XDH: variants seen among roughly 807,000 people sequenced by gnomAD.
The protein encoded by XDH is xanthine dehydrogenase/oxidase.
A neutral mutation model predicts 156.1 loss-of-function variants in XDH; 138 were observed. The observed-to-expected ratio is 0.88, with a 90% CI of 0.77 to 1.02. The LOEUF (loss-of-function observed/expected upper bound fraction) is 1.02. Ranked by LOEUF, XDH falls within the 50% of genes least tolerant of loss-of-function variation. The pLI, the probability that XDH is intolerant of heterozygous loss-of-function variation, is 0.00. For synonymous variants in XDH, 669 were observed against 625.7 expected, an observed-to-expected ratio of 1.07 and a Z score of -1.03; for missense variants, 1,849 against 1,684.9, an observed-to-expected ratio of 1.10 and a Z score of -1.71.
chr2:31,411,042 T>A (rs1168911354), intron 1 of XDH, among the ~76,000 whole-genome samples: 1 of 152,060 alleles, frequency 6.6e-6, no homozygotes, highest in Non-Finnish European at 1.5e-5. Context: ...ACCAGCACTT[T>A]GGGAGGCCGA....
chr2:31,391,224 G>C (rs1401743889), intron 6 of XDH, among the ~76,000 whole-genome samples: 1 of 152,168 alleles, frequency 6.6e-6, no homozygotes, highest in African/African-American at 2.4e-5. Context: ...TTATTAAAAA[G>C]ACAATCTTTG....
chr2:31,381,838 G>A, intron 11 of XDH, 112 bp from the exon 12 acceptor site: 2 of 940,012 alleles, frequency 2.1e-6, no homozygotes, highest in South Asian at 2.8e-5. Flanking sequence ...AAACCCCTGA[G>A]GTCCTGTGCC....
At position 31,370,447 on chromosome 2, in the gene XDH, GA is replaced by G; in HGVS notation, c.1887del (p.Pro630GlnfsTer17). 3.1e-6 allele frequency: 5 copies of G among 1,614,122 alleles called. No individual in the cohort carries two copies. The highest frequency in any genetic ancestry group is 4.2e-6 in the Non-Finnish European group (5 of 1,180,020). On this transcript the variant is annotated frameshift_variant, in exon 18 of 36. Coordinates refer to ENST00000379416, the MANE Select transcript of XDH (RefSeq NM_000379.4). LOFTEE classifies it high-confidence loss of function. Reference protein sequence around the residue: ...KSIDTSEAKKVPGFVCFISAD... With the variant: ...KSIDTSEAKKXPGFVCFISAD... ...GCGGAAATGAAACAAACAAACCCTG[GA>G]ACCTTCTTAGCTTCTGATGTATCTA...
intron 30 of XDH, 102 bp from the exon 31 acceptor site, chr2:31,344,838 A>C: frequency 8.4e-7 from 1 of 1,195,356 alleles, no homozygotes; most frequent in Middle Eastern, 1.9e-4. Flanking sequence ...AAGCCAATCA[A>C]CTCATTTTAC....
chr2:31,342,178 C>T lies in XDH; in HGVS notation c.3519+5G>A. 1 of 1,613,682 alleles carries T rather than the reference C, an allele frequency of 6.2e-7. No homozygotes were observed. The highest frequency in any genetic ancestry group is 8.5e-7 in the Non-Finnish European group (1 of 1,179,696). ...CTAAGTACTAAAGTTTTGCAAACTT[C>T]TTACCTTATGATCTCCTGTTAGGCA... On this transcript the variant is annotated splice_donor_5th_base_variant and intron_variant, in intron 32 of 35. Transcript: ENST00000379416.
At chr2:31,340,927 T>A (rs906261577) in intron 33 of XDH, among the ~76,000 whole-genome samples, 2 of 152,180 alleles carry the variant, frequency 1.3e-5, no homozygotes, top group East Asian at 3.9e-4. Context: ...ACAAAAGCTG[T>A]CCTAGGTGGA....
intron 4 of XDH, among the ~76,000 whole-genome samples, chr2:31,399,497 A>C (rs1204514675): frequency 6.6e-6 from 1 of 152,228 alleles, no homozygotes; most frequent in East Asian, 1.9e-4. Flanking sequence ...ATTTGTAGCC[A>C]AAATAAGTTG....
Position 31,393,886 on chromosome 2 carries a change from G to A in XDH, c.495+3782C>T, listed in dbSNP as rs188431394. Among the ~76,000 whole-genome samples the A allele has an allele frequency of 2.3e-4, 34 of 148,360 alleles. No individual in the cohort carries two copies. The East Asian group carries it at 5.3e-3, about 23-fold the overall frequency. ...GTCCACTTTTAAATAACACTACACC[G>A]CTTTACAGGTAGTGATTGTATCTTA... On this transcript the variant is annotated intron_variant, in intron 6 of 35. Coordinates refer to ENST00000379416, the MANE Select transcript of XDH (RefSeq NM_000379.4).
chr2:31,383,015 CT>C lies in XDH; in HGVS notation c.1023del (p.Val342SerfsTer31), dbSNP rs1404026923. 6.2e-7 allele frequency: 1 copy of C among 1,614,132 alleles called. No individual in the cohort carries two copies. On this transcript the variant is annotated frameshift_variant, in exon 11 of 36. Coordinates refer to ENST00000379416, the MANE Select transcript of XDH (RefSeq NM_000379.4). LOFTEE classifies it high-confidence loss of function. ...LEQLRWFAGK[Q>X]VKSVASVGGN... is the part of the protein sequence containing the mutation. ...GAGCGACTCACCGCCACAGACTTGACTTGCTTCCCAGCAAACCAGCGCAGCT... is the reference window on the plus strand; with the variant it reads ...GAGCGACTCACCGCCACAGACTTGACTGCTTCCCAGCAAACCAGCGCAGCT...
At chr2:31,351,879 A>G (rs958254389) in intron 24 of XDH, among the ~76,000 whole-genome samples, 1 of 152,202 alleles carries the variant, frequency 6.6e-6, no homozygotes, top group African/African-American at 2.4e-5. Flanking sequence ...TGCCTTTCCA[A>G]TTCTTGGAGA....
chr2:31,338,536 GGTAAA>G (rs1685030149), intron 34 of XDH, among the ~76,000 whole-genome samples: 1 of 151,956 alleles, frequency 6.6e-6, no homozygotes, highest in Non-Finnish European at 1.5e-5. Context: ...CACCCACTAT[GGTAAA>G]GTAAACCACG....
At chr2:31,366,191 C>A in intron 21 of XDH, 82 bp from the exon 22 acceptor site, 1 of 1,606,476 alleles carries the variant, frequency 6.2e-7, no homozygotes, top group Non-Finnish European at 8.5e-7. Flanking sequence ...GTCCAACATG[C>A]ATGGACCTAA....
In XDH at chr2:31,335,649, A is replaced by G. The variant is rs931547739; in HGVS notation, c.*309T>C. 4.2e-6 allele frequency: 2 copies of G among 475,150 alleles called. No homozygotes were observed. The highest frequency in any genetic ancestry group is 2.1e-5 in the South Asian group (1 of 47,896). The allele number at this position is 475,150 out of a possible 1,614,324, so 29.4% of individuals were successfully genotyped here. A position where few individuals can be genotyped will look rare whatever the true frequency, so the allele number is the denominator to read the frequency against. Reference sequence around the variant, plus strand: ...GAACTTGAGGTTATACAGGCTGTCCAGTAAGTGGGGAATAGCACAAACCCT... The same window carrying G: ...GAACTTGAGGTTATACAGGCTGTCCGGTAAGTGGGGAATAGCACAAACCCT... On this transcript the variant is annotated 3_prime_UTR_variant, in exon 36 of 36. Coordinates refer to ENST00000379416, the MANE Select transcript of XDH (RefSeq NM_000379.4).
chr2:31,412,577 C>A (rs1687370663), intron 1 of XDH, among the ~76,000 whole-genome samples: 1 of 152,068 alleles, frequency 6.6e-6, no homozygotes, highest in South Asian at 2.1e-4. Context: ...CACATGTGTA[C>A]ATATGTAACA....
At chr2:31,344,155 C>T (rs1685218154) in intron 31 of XDH, among the ~76,000 whole-genome samples, 1 of 152,160 alleles carries the variant, frequency 6.6e-6, no homozygotes, top group South Asian at 2.1e-4. Context: ...CATACGCTCT[C>T]TTGAAAATCT....
At chr2:31,341,248 G>T in intron 33 of XDH, 81 bp downstream of exon 33, 1 of 1,345,580 alleles carries the variant, frequency 7.4e-7, no homozygotes, top group Non-Finnish European at 1.0e-6. Context: ...TGGACAACAT[G>T]TTGTGGCAGG....
At position 31,373,111 on chromosome 2, in the gene XDH, T is replaced by G. The variant is rs1686122556; in HGVS notation, c.1687-714A>C. The stretch of plus-strand genomic sequence containing the variant: ...ACATTTAATCCTCAAAACCATCTTA[T>G]GAAACAGGTATGTGATTATCCACAT... On this transcript the variant is annotated intron_variant, in intron 16 of 35. Coordinates refer to ENST00000379416, the MANE Select transcript of XDH (RefSeq NM_000379.4). Among the ~76,000 whole-genome samples the G allele has an allele frequency of 2.0e-5, 3 of 152,228 alleles. No individual in the cohort carries two copies. The South Asian group carries it at 6.2e-4, about 31-fold the overall frequency.
At chr2:31,413,847 G>A (rs1030091707) in intron 1 of XDH, among the ~76,000 whole-genome samples, 2 of 152,128 alleles carry the variant, frequency 1.3e-5, no homozygotes, top group Non-Finnish European at 2.9e-5. Context: ...GCAAATGGAG[G>A]CTAGTGACCA....
At chr2:31,393,006 C>G (rs956552506) in intron 6 of XDH, among the ~76,000 whole-genome samples, 1 of 152,190 alleles carries the variant, frequency 6.6e-6, no homozygotes, top group Non-Finnish European at 1.5e-5. Context: ...TGTATGATCT[C>G]TATTCATGCA....
Sources: gnomAD v4.1 joint callset for allele counts (sites outside exome capture counted in the v4.1 genomes callset) on GRCh38, gnomAD v4.1.1 for gene constraint, MANE v1.5 for transcripts, NCBI Gene and HGNC (gene_info 2026-07-23, HGNC 2026-07-21) for gene names.